Variants in IGSF11 observed in about 807,000 individuals in gnomAD.
IGSF11 encodes the protein immunoglobulin superfamily member 11.
Under a neutral mutation model 41.0 loss-of-function variants are expected in IGSF11, and 22 were observed. The observed-to-expected ratio is 0.54, with a 90% CI of 0.38 to 0.77. The LOEUF (loss-of-function observed/expected upper bound fraction) is 0.77. Among genes scored for constraint, IGSF11 ranks in the 30% least tolerant of loss-of-function variants. IGSF11 has a pLI of 0.00. For missense variants in IGSF11, 444 were observed against 530.8 expected (o/e 0.84, Z 1.61); for synonymous variants, 219 against 201.3 (o/e 1.09, Z -0.74).
At chr3:118,923,787 G>C (rs11709001) in intron 4 of IGSF11, among the ~76,000 whole-genome samples, 12,986 of 152,132 alleles carry the variant, frequency 0.085, 627 homozygotes, top group East Asian at 0.13. Flanking sequence ...TGAGATTTAG[G>C]TTATGTGTTT....
At chr3:119,091,492 G>A (rs1242468572) in intron 1 of IGSF11, among the ~76,000 whole-genome samples, 1 of 152,154 alleles carries the variant, frequency 6.6e-6, no homozygotes. Context: ...AAACAAATGT[G>A]ATACATATAC....
At chr3:119,138,918 A>C (rs1190091337) in intron 1 of IGSF11, among the ~76,000 whole-genome samples, 1 of 152,166 alleles carries the variant, frequency 6.6e-6, no homozygotes, top group African/African-American at 2.4e-5. Context: ...AAAGGAGAAC[A>C]AAAGCACAGA....
chr3:119,015,087 G>A (rs1484627570), intron 1 of IGSF11, among the ~76,000 whole-genome samples: 1 of 152,088 alleles, frequency 6.6e-6, no homozygotes, highest in African/African-American at 2.4e-5. Flanking sequence ...TATCTAGGAT[G>A]ATGTTTATTA....
intron 1 of IGSF11, among the ~76,000 whole-genome samples, chr3:119,096,168 T>C (rs1410476219): frequency 6.6e-6 from 1 of 152,068 alleles, no homozygotes; most frequent in East Asian, 1.9e-4. Flanking sequence ...ATGGTTACAG[T>C]GACTTGGCTT....
intron 4 of IGSF11, among the ~76,000 whole-genome samples, chr3:118,922,085 T>C (rs374114243): frequency 6.6e-6 from 1 of 151,986 alleles, no homozygotes; most frequent in South Asian, 2.1e-4. Flanking sequence ...TATTTTATTA[T>C]AATATTGGCA....
chr3:119,045,237 T>C (rs1941280910), intron 1 of IGSF11, among the ~76,000 whole-genome samples: 1 of 152,144 alleles, frequency 6.6e-6, no homozygotes, highest in South Asian at 2.1e-4. Context: ...AGGTACCGGG[T>C]TCACTTCACT....
At chr3:118,985,636 C>G (rs1263175181) in intron 1 of IGSF11, among the ~76,000 whole-genome samples, 1 of 152,174 alleles carries the variant, frequency 6.6e-6, no homozygotes, top group Non-Finnish European at 1.5e-5. Flanking sequence ...TACATATACC[C>G]AACAAAAGAA....
chr3:118,976,568 G>A (rs1282990149), intron 1 of IGSF11, among the ~76,000 whole-genome samples: 1 of 152,164 alleles, frequency 6.6e-6, no homozygotes, highest in Non-Finnish European at 1.5e-5. Flanking sequence ...AGCGAGTACA[G>A]GAAAGGAGAA....
At chr3:119,061,746 A>G (rs974188755) in intron 1 of IGSF11, among the ~76,000 whole-genome samples, 1 of 151,306 alleles carries the variant, frequency 6.6e-6, no homozygotes, top group African/African-American at 2.4e-5. Flanking sequence ...TTATGTATCT[A>G]TATACGTGGT....
chr3:119,132,714 C>A (rs2107541015), intron 1 of IGSF11, among the ~76,000 whole-genome samples: 1 of 152,228 alleles, frequency 6.6e-6, no homozygotes, highest in East Asian at 1.9e-4. Context: ...CTACACCAAG[C>A]AGACCTAATA....
At chr3:118,922,795 C>T (rs906116651) in intron 4 of IGSF11, among the ~76,000 whole-genome samples, 1 of 152,040 alleles carries the variant, frequency 6.6e-6, no homozygotes, top group East Asian at 1.9e-4. Flanking sequence ...TGGTAAGAGC[C>T]CATTTCCTGG....
intron 1 of IGSF11, among the ~76,000 whole-genome samples, chr3:119,056,134 A>T (rs922246933): frequency 6.6e-6 from 1 of 151,966 alleles, no homozygotes; most frequent in Non-Finnish European, 1.5e-5. Context: ...AGCAGAACTG[A>T]AGGAAATAGA....
chr3:119,067,113 T>C (rs1367437477), intron 1 of IGSF11, among the ~76,000 whole-genome samples: 1 of 152,228 alleles, frequency 6.6e-6, no homozygotes, highest in African/African-American at 2.4e-5. Context: ...CTTTTTATTG[T>C]ATGCTAAGCT....
chr3:119,020,192 T>C (rs1201776838), intron 1 of IGSF11, among the ~76,000 whole-genome samples: 3 of 152,342 alleles, frequency 2.0e-5, no homozygotes, highest in East Asian at 3.9e-4. Flanking sequence ...AGGAAGATGC[T>C]GATCTTGAAA....
intron 1 of IGSF11, among the ~76,000 whole-genome samples, chr3:119,067,748 CTACT>C (rs1049704557): frequency 1.3e-5 from 2 of 152,170 alleles, no homozygotes; most frequent in Non-Finnish European, 1.5e-5. Context: ...TGAAGTCCCT[CTACT>C]TAGATCAAGC....
At chr3:118,970,640 T>C (rs1218405055) in intron 1 of IGSF11, among the ~76,000 whole-genome samples, 1 of 151,460 alleles carries the variant, frequency 6.6e-6, no homozygotes, top group African/African-American at 2.4e-5. Flanking sequence ...TGATTTAAAA[T>C]AGCAGCAAAA....
intron 1 of IGSF11, among the ~76,000 whole-genome samples, chr3:119,033,788 G>C (rs1940643221): frequency 6.6e-6 from 1 of 152,152 alleles, no homozygotes; most frequent in Non-Finnish European, 1.5e-5. Context: ...GCACTGCATA[G>C]GATGAAAATC....
rs997916486 is a variant in IGSF11, at chr3:119,005,384, T to C, written c.52+29147A>G. Among the ~76,000 whole-genome samples the C allele has an allele frequency of 6.0e-5, 9 of 150,992 alleles. No homozygotes were observed. The South Asian group carries it at 6.3e-4, about 11-fold the overall frequency. On this transcript the variant is annotated intron_variant, in intron 1 of 6. Transcript: ENST00000393775. ...CTGCACGTGAGATGGGTTTCCTGAA[T>C]ACAGCACACTGATGGGTCTTGACTC...
In IGSF11 at chr3:119,048,129, G is replaced by C. The variant is rs531544095; in HGVS notation, c.49+57015C>G. Among the ~76,000 whole-genome samples, 1,292 of 151,830 alleles carry C rather than the reference G, an allele frequency of 8.5e-3. 23 individuals carry two copies. The highest frequency in any genetic ancestry group is 0.029 in the African/African-American group (1,214 of 41,372). Reference sequence around the variant, plus strand: ...AAACACATTCAAAAGCTAGCAGAAGGCAAGAAATAACTAAAATCAGAGCAG... The same window carrying C: ...AAACACATTCAAAAGCTAGCAGAAGCCAAGAAATAACTAAAATCAGAGCAG... On this transcript the variant is annotated intron_variant, in intron 1 of 6. Transcript: ENST00000354673.
Sources: allele counts gnomAD v4.1 joint callset (sites outside exome capture counted in the v4.1 genomes callset), GRCh38; gene constraint gnomAD v4.1.1; transcripts MANE v1.5; gene names NCBI Gene and HGNC (gene_info 2026-07-23, HGNC 2026-07-21).